Variants in PACS1 observed in about 807,000 individuals in gnomAD.
PACS1 encodes phosphofurin acidic cluster sorting protein 1, also known as PACS-1.
In PACS1, 24 loss-of-function variants were observed where a neutral mutation model predicts 115.0. The observed-to-expected ratio is 0.21, with a 90% CI of 0.15 to 0.29. The LOEUF is 0.29. Among genes scored for constraint, PACS1 ranks in the 10% least tolerant of loss-of-function variants. The pLI, the probability that PACS1 is intolerant of heterozygous loss-of-function variation, is 1.00. For missense variants in PACS1, 838 were observed against 1,251.2 expected, an observed-to-expected ratio of 0.67 and a Z score of 4.98; for synonymous variants, 453 against 504.5, an observed-to-expected ratio of 0.90 and a Z score of 1.37.
At chr11:66,122,880 ATAACAATAAC>A (rs1484468666) in intron 1 of PACS1, among the ~76,000 whole-genome samples, 1 of 152,256 alleles carries the variant, frequency 6.6e-6, no homozygotes, top group African/African-American at 2.4e-5. Context: ...ACAATAATTT[ATAACAATAAC>A]TATGTATTAC....
intron 2 of PACS1, among the ~76,000 whole-genome samples, chr11:66,207,559 G>A (rs1854970995): frequency 6.6e-6 from 1 of 152,286 alleles, no homozygotes; most frequent in South Asian, 2.1e-4. Context: ...GGGAGAGAGT[G>A]GCTGTTGGTT....
rs1486225321 is a variant in PACS1, at chr11:66,173,104, G to GT, written c.357-20373dup. On this transcript the variant is annotated intron_variant, in intron 1 of 23. Transcript: ENST00000320580. ...TTTTTGATTTTGGTTTTTTTTTTTT[G>GT]TTTTTTTTTGTAGAGACAGGGTCCT... Among the ~76,000 whole-genome samples, 495 of 114,010 alleles carry GT rather than the reference G, an allele frequency of 4.3e-3. 1 individual carries two copies. Among genetic ancestry groups the GT allele is most frequent in the African/African-American group, 8.2e-3 (248 of 30,206 alleles). 74.8% of individuals were successfully genotyped at this position (114,010 alleles called of 152,430 possible).
At chr11:66,097,198 G>T (rs1247280731) in intron 1 of PACS1, among the ~76,000 whole-genome samples, 2 of 152,140 alleles carry the variant, frequency 1.3e-5, no homozygotes, top group Non-Finnish European at 2.9e-5. Flanking sequence ...TAGTAGTCCT[G>T]TGCCCTTGGG....
intron 1 of PACS1, among the ~76,000 whole-genome samples, chr11:66,184,643 A>G (rs970229360): frequency 1.3e-5 from 2 of 152,212 alleles, no homozygotes; most frequent in Admixed American, 6.5e-5. Flanking sequence ...GTGCTCAAAT[A>G]TGTCCTCACT....
intron 1 of PACS1, among the ~76,000 whole-genome samples, chr11:66,090,858 A>G (rs531831754): frequency 2.6e-5 from 4 of 152,326 alleles, no homozygotes; most frequent in Non-Finnish European, 5.9e-5. Flanking sequence ...CTTTCCAGCC[A>G]ATGGATTGAG....
At chr11:66,092,307 G>A (rs1347568008) in intron 1 of PACS1, among the ~76,000 whole-genome samples, 3 of 152,102 alleles carry the variant, frequency 2.0e-5, no homozygotes, top group Non-Finnish European at 1.5e-5. Flanking sequence ...TTTTTTGGCT[G>A]CATAAATGTC....
chr11:66,121,713 T>G (rs538374397), intron 1 of PACS1, among the ~76,000 whole-genome samples: 7 of 152,336 alleles, frequency 4.6e-5, no homozygotes, highest in African/African-American at 1.7e-4. Context: ...AACATTCCCT[T>G]AAGCCTAAGC....
intron 1 of PACS1, among the ~76,000 whole-genome samples, chr11:66,168,262 G>A (rs1436967508): frequency 1.3e-5 from 2 of 150,308 alleles, no homozygotes; most frequent in Non-Finnish European, 2.9e-5. Context: ...AATTTTGATC[G>A]GTGTTGTATT....
chr11:66,232,426 T>C (rs1289808280), intron 14 of PACS1, 150 bp downstream of exon 14: 1 of 576,008 alleles, frequency 1.7e-6, no homozygotes, highest in Non-Finnish European at 3.1e-6. Context: ...AGCCCAGAAC[T>C]CTGAGTTCTA....
At position 66,070,769 on chromosome 11, in the gene PACS1, A is replaced by G; in HGVS notation, c.283A>G (p.Thr95Ala). Residue 95 changes from threonine (T) to alanine (A), a missense_variant, in exon 1 of 24, where the codon ACC becomes GCC. Transcript: ENST00000320580. The surrounding 1 kb of genome is among the most constrained non-coding windows in gnomAD (Gnocchi z 5.9). ...TCCCGGTGGCCCGGGGCCAGGCCGC[A>G]CCCCCGCCCCGGTGCAGATGAACCT... ...APPGGPGPGR[T>A]PAPVQMNLYA... is the part of the protein sequence containing the mutation. The G allele has an allele frequency of 6.5e-7, 1 of 1,536,746 alleles. No homozygotes were observed. The highest frequency in any genetic ancestry group is 8.7e-7 in the Non-Finnish European group (1 of 1,149,008).
At position 66,209,019 on chromosome 11, in the gene PACS1, A is replaced by T. The variant is rs140492281; in HGVS notation, c.445-1343A>T. Among the ~76,000 whole-genome samples, 475 of 152,284 alleles carry T rather than the reference A, an allele frequency of 3.1e-3. 2 individuals are homozygous for T. Among genetic ancestry groups the T allele is most frequent in the African/African-American group, 0.011 (443 of 41,556 alleles). ...ACTGTTTATTTGTGTGCTGGGAATC[A>T]TACTGAACAAGACATATCTTTGTCT... On this transcript the variant is annotated intron_variant, in intron 2 of 23. Coordinates refer to ENST00000320580, the MANE Select transcript of PACS1 (RefSeq NM_018026.4).
chr11:66,091,227 G>A (rs1299631200), intron 1 of PACS1, among the ~76,000 whole-genome samples: 1 of 151,892 alleles, frequency 6.6e-6, no homozygotes, highest in Admixed American at 6.6e-5. Flanking sequence ...TGCAACCTCC[G>A]CCTCCCAAGT....
intron 10 of PACS1, among the ~76,000 whole-genome samples, chr11:66,223,046 T>G (rs1197975824): frequency 9.6e-6 from 1 of 104,340 alleles, no homozygotes; most frequent in Non-Finnish European, 1.8e-5. Flanking sequence ...TGAGGAGACC[T>G]CGATTTACAA....
Position 66,232,169 on chromosome 11 carries a change from C to T in PACS1, c.1627-3C>T, listed in dbSNP as rs1565157195. 6.3e-7 allele frequency: 1 copy of T among 1,599,964 alleles called. No homozygotes were observed. Among genetic ancestry groups the T allele is most frequent in the East Asian group, 2.2e-5 (1 of 44,824 alleles). ...CAAGAGACACTTTCTTTTGTTCCTG[C>T]AGATTCCAAGAAAGGTGGTGTATGA... On this transcript the variant is annotated splice_region_variant and splice_polypyrimidine_tract_variant and intron_variant, in intron 13 of 23. Coordinates refer to ENST00000320580, the MANE Select transcript of PACS1 (RefSeq NM_018026.4).
At chr11:66,099,666 C>T (rs1857869494) in intron 1 of PACS1, among the ~76,000 whole-genome samples, 1 of 152,024 alleles carries the variant, frequency 6.6e-6, no homozygotes, top group Admixed American at 6.6e-5. Flanking sequence ...CCACCTCAGC[C>T]TCCCGAGTAG....
At chr11:66,171,022 G>C (rs1219535319) in intron 1 of PACS1, among the ~76,000 whole-genome samples, 2 of 150,018 alleles carry the variant, frequency 1.3e-5, no homozygotes, top group Non-Finnish European at 2.9e-5. Context: ...CTCTTGTTGT[G>C]GGGTTCCGGA....
intron 1 of PACS1, among the ~76,000 whole-genome samples, chr11:66,075,570 A>G (rs1857380147): frequency 6.6e-6 from 1 of 152,136 alleles, no homozygotes; most frequent in Non-Finnish European, 1.5e-5. Context: ...CTTTATGGGA[A>G]TACTTTTACT....
intron 2 of PACS1, among the ~76,000 whole-genome samples, chr11:66,195,701 T>A (rs1854634628): frequency 6.6e-6 from 1 of 152,224 alleles, no homozygotes; most frequent in South Asian, 2.1e-4. Flanking sequence ...ATTCATTTAT[T>A]CAGTCACTTA....
intron 1 of PACS1, among the ~76,000 whole-genome samples, chr11:66,081,680 G>A (rs531486381): frequency 2.0e-5 from 3 of 152,250 alleles, no homozygotes; most frequent in Admixed American, 1.3e-4. Flanking sequence ...TACAGGCCCC[G>A]CCTGCAAACC....
Sources: allele counts gnomAD v4.1 joint callset (sites outside exome capture counted in the v4.1 genomes callset), GRCh38; gene constraint gnomAD v4.1.1; non-coding constraint Gnocchi (gnomAD v3.1); transcripts MANE v1.5; gene names NCBI Gene and HGNC (gene_info 2026-07-23, HGNC 2026-07-21).